Variants in PARVA observed in about 807,000 individuals in gnomAD.
PARVA encodes alpha-parvin.
A neutral mutation model predicts 52.6 loss-of-function variants in PARVA; 25 were observed. The observed-to-expected ratio is 0.48, with a 90% CI of 0.35 to 0.66. The LOEUF is 0.66. Ranked by LOEUF, PARVA falls within the 30% of genes least tolerant of loss-of-function variation. PARVA has a pLI of 0.01. For synonymous variants in PARVA, 185 were observed against 179.1 expected, an observed-to-expected ratio of 1.03 and a Z score of -0.26; for missense variants, 373 against 450.9, an observed-to-expected ratio of 0.83 and a Z score of 1.56.
chr11:12,438,473 C>A (rs1344725944), intron 1 of PARVA, among the ~76,000 whole-genome samples: 3 of 152,098 alleles, frequency 2.0e-5, no homozygotes, highest in African/African-American at 4.8e-5. Flanking sequence ...CTAATCCACT[C>A]CTGCAATAAT....
chr11:12,393,080 A>T (rs1939685450), intron 1 of PARVA, among the ~76,000 whole-genome samples: 1 of 151,322 alleles, frequency 6.6e-6, no homozygotes, highest in Non-Finnish European at 1.5e-5. Context: ...AAGAAAAAAA[A>T]TACCAGAAAA....
At chr11:12,517,494 C>A in intron 10 of PARVA, 116 bp from the exon 11 acceptor site, 1 of 751,734 alleles carries the variant, frequency 1.3e-6, no homozygotes, top group Non-Finnish European at 2.3e-6. Flanking sequence ...CCCGAGCTAG[C>A]AGCCTGGCTG....
chr11:12,513,115 A>T (rs749273776), intron 8 of PARVA, 184 bp from the exon 9 acceptor site: 2 of 708,484 alleles, frequency 2.8e-6, no homozygotes, highest in Non-Finnish European at 5.2e-6. Context: ...TCCCAGGGTG[A>T]GAATCACCCC....
chr11:12,471,348 G>A (rs1768593738), intron 1 of PARVA, among the ~76,000 whole-genome samples: 1 of 117,278 alleles, frequency 8.5e-6, no homozygotes, highest in African/African-American at 3.1e-5. Flanking sequence ...GATGACCTAG[G>A]ACATTATCCA....
chr11:12,506,619 G>A (rs1285457610), intron 6 of PARVA, among the ~76,000 whole-genome samples: 1 of 152,250 alleles, frequency 6.6e-6, no homozygotes, highest in Non-Finnish European at 1.5e-5. Context: ...TCAGAAGCCT[G>A]TTGTCAGTTT....
intron 5 of PARVA, among the ~76,000 whole-genome samples, chr11:12,497,871 C>T (rs1345615218): frequency 5.9e-5 from 9 of 152,078 alleles, no homozygotes; most frequent in African/African-American, 1.7e-4. Flanking sequence ...TAGAGAAGTC[C>T]TCTAATGAAG....
At chr11:12,442,986 C>T (rs1243479525) in intron 1 of PARVA, among the ~76,000 whole-genome samples, 1 of 151,272 alleles carries the variant, frequency 6.6e-6, no homozygotes, top group African/African-American at 2.4e-5. Context: ...CTCAGTCTCC[C>T]GAGTAGCTGG....
chr11:12,489,811 T>C lies in PARVA; in HGVS notation c.401-6647T>C, dbSNP rs920347048. Among the ~76,000 whole-genome samples the C allele has an allele frequency of 2.6e-5, 4 of 152,270 alleles. No individual in the cohort carries two copies. In the South Asian group the frequency reaches 6.2e-4, roughly 24 times the overall value. On this transcript the variant is annotated intron_variant, in intron 4 of 12. Transcript: ENST00000334956. ...AAGGAACAAAAAAAGCCAAAAGATA[T>C]TAATACTGAAGATATCAAAATACTT...
intron 1 of PARVA, among the ~76,000 whole-genome samples, chr11:12,403,099 G>A (rs1210251019): frequency 1.3e-5 from 2 of 152,218 alleles, no homozygotes; most frequent in Non-Finnish European, 2.9e-5. Context: ...CCAGCACAGG[G>A]CAGCTCGAAG....
intron 1 of PARVA, 50 bp from the exon 2 acceptor site, chr11:12,473,695 C>A: frequency 7.2e-7 from 1 of 1,390,640 alleles, no homozygotes; most frequent in Non-Finnish European, 1.0e-6. Context: ...AGCTCCAACC[C>A]CCTGCCGTCC....
intron 1 of PARVA, among the ~76,000 whole-genome samples, chr11:12,385,297 CCA>C (rs1282948931): frequency 6.6e-6 from 1 of 152,056 alleles, no homozygotes; most frequent in Non-Finnish European, 1.5e-5. Context: ...CCACTGCACT[CCA>C]GTCTGTGTGA....
intron 1 of PARVA, among the ~76,000 whole-genome samples, chr11:12,436,716 G>A (rs868708803): frequency 6.6e-6 from 1 of 152,132 alleles, no homozygotes; most frequent in African/African-American, 2.4e-5. Flanking sequence ...GGCAGGAAGG[G>A]TATTCAGCAG....
intron 1 of PARVA, among the ~76,000 whole-genome samples, chr11:12,465,993 C>T (rs1214025508): frequency 6.6e-6 from 1 of 152,186 alleles, no homozygotes; most frequent in Non-Finnish European, 1.5e-5. Context: ...GCTCCACACC[C>T]CTTGCCAGTG....
intron 1 of PARVA, among the ~76,000 whole-genome samples, chr11:12,445,926 A>C (rs1214127318): frequency 6.6e-6 from 1 of 152,218 alleles, no homozygotes; most frequent in East Asian, 1.9e-4. Flanking sequence ...GATGGTTTAA[A>C]GAGCTAATTT....
chr11:12,518,909 T>C (rs1941606018), intron 12 of PARVA, among the ~76,000 whole-genome samples: 1 of 152,156 alleles, frequency 6.6e-6, no homozygotes. Flanking sequence ...ACTGCTTCTC[T>C]CCTTACAGAT....
At chr11:12,390,040 A>G (rs1228337334) in intron 1 of PARVA, among the ~76,000 whole-genome samples, 1 of 152,140 alleles carries the variant, frequency 6.6e-6, no homozygotes, top group Non-Finnish European at 1.5e-5. Flanking sequence ...CTTCATGAAA[A>G]TGCAGCCCAT....
intron 1 of PARVA, among the ~76,000 whole-genome samples, chr11:12,441,995 A>G (rs1487198833): frequency 6.6e-6 from 1 of 152,252 alleles, no homozygotes; most frequent in Non-Finnish European, 1.5e-5. Flanking sequence ...CGACAGGTCG[A>G]AGGATTGTGG....
chr11:12,412,451 A>G (rs901121617), intron 1 of PARVA, among the ~76,000 whole-genome samples: 7 of 152,154 alleles, frequency 4.6e-5, no homozygotes, highest in Non-Finnish European at 1.0e-4. Context: ...ATGAGGTGTG[A>G]GTATGGAAAG....
At chr11:12,518,079 C>G (rs576746432) in intron 11 of PARVA, among the ~76,000 whole-genome samples, 1 of 152,082 alleles carries the variant, frequency 6.6e-6, no homozygotes, top group African/African-American at 2.4e-5. Context: ...GCTGCCACAT[C>G]CTGCTCGCTA....
Sources: gnomAD v4.1 joint callset for allele counts (sites outside exome capture counted in the v4.1 genomes callset) on GRCh38, gnomAD v4.1.1 for gene constraint, MANE v1.5 for transcripts, NCBI Gene and HGNC (gene_info 2026-07-23, HGNC 2026-07-21) for gene names.